The following GLCCI1 variants were observed in gnomAD, a reference collection of about 807,000 sequenced individuals.
GLCCI1 encodes glucocorticoid-induced transcript 1 protein.
GLCCI1 carries 24 observed loss-of-function variants against 52.2 expected under a neutral mutation model. The ratio of observed to expected loss-of-function variants is 0.46; its 90% CI spans 0.33 to 0.65. GLCCI1 has a LOEUF of 0.65. Among genes scored for constraint, GLCCI1 ranks in the 30% least tolerant of loss-of-function variants. GLCCI1 has a pLI of 0.02. For missense variants in GLCCI1, 704 were observed against 701.5 expected (o/e 1.00, Z -0.04); for synonymous variants, 310 against 276.5 (o/e 1.12, Z -1.20).
At chr7:8,072,780 A>G (rs1417117002) in intron 6 of GLCCI1, among the ~76,000 whole-genome samples, 2 of 152,214 alleles carry the variant, frequency 1.3e-5, no homozygotes, top group Admixed American at 1.3e-4. Flanking sequence ...AATGAAAAGT[A>G]GAAATAATGG....
rs1783163320 is a variant in GLCCI1, at chr7:8,088,306, CTTCTT to C, written c.*1770_*1774del. Reference sequence around the variant, plus strand: ...ATTATTTTGTCATGATCTCAATTCTCTTCTTTCCACCAAAGTTTGTCGTAATATTT... The same window carrying C: ...ATTATTTTGTCATGATCTCAATTCTCTCCACCAAAGTTTGTCGTAATATTT... On this transcript the variant is annotated 3_prime_UTR_variant, in exon 8 of 8. Coordinates refer to ENST00000223145, the MANE Select transcript of GLCCI1 (RefSeq NM_138426.4). The C allele has an allele frequency of 3.3e-5, 5 of 150,230 alleles. No individual in the cohort carries two copies. The South Asian group carries it at 1.1e-3, about 32-fold the overall frequency. 9.3% of individuals were successfully genotyped at this position (150,230 alleles called of 1,614,324 possible).
chr7:8,034,585 G>C (rs1234800392), intron 3 of GLCCI1, among the ~76,000 whole-genome samples: 1 of 152,146 alleles, frequency 6.6e-6, no homozygotes. Context: ...AGAAGAGGAT[G>C]GCTGACAAGA....
chr7:7,972,081 G>C lies in GLCCI1; in HGVS notation c.457+2274G>C, dbSNP rs1780365747. ...CCTACTAAACTGTTCTGTTTCCTTA[G>C]CCATTTAAAATCCATGATCTGAACA... On this transcript the variant is annotated intron_variant, in intron 1 of 7. Transcript: ENST00000223145. Among the ~76,000 whole-genome samples the C allele has an allele frequency of 2.0e-5, 3 of 152,068 alleles. No individual in the cohort carries two copies. In the South Asian group the frequency reaches 6.2e-4, roughly 32 times the overall value.
At chr7:8,055,130 GT>G (rs1782355608) in intron 3 of GLCCI1, among the ~76,000 whole-genome samples, 2 of 152,078 alleles carry the variant, frequency 1.3e-5, no homozygotes, top group African/African-American at 4.8e-5. Flanking sequence ...CTTATAAAAG[GT>G]TTTCAAAAAG....
intron 3 of GLCCI1, among the ~76,000 whole-genome samples, chr7:8,024,451 G>T (rs563088833): frequency 1.3e-5 from 2 of 152,152 alleles, no homozygotes; most frequent in Admixed American, 1.3e-4. Flanking sequence ...AAGTGAACTT[G>T]TATTTTTATC....
At chr7:8,053,009 T>G (rs1346635674) in intron 3 of GLCCI1, among the ~76,000 whole-genome samples, 1 of 71,974 alleles carries the variant, frequency 1.4e-5, no homozygotes, top group African/African-American at 4.7e-5. Flanking sequence ...TTTTGTATTA[T>G]TTATTTATTT....
intron 1 of GLCCI1, among the ~76,000 whole-genome samples, chr7:7,990,376 C>G (rs1189886116): frequency 6.6e-6 from 1 of 152,090 alleles, no homozygotes; most frequent in African/African-American, 2.4e-5. Context: ...TCGGTAATAT[C>G]AATTGACTCT....
At chr7:7,975,425 G>A (rs1262255753) in intron 1 of GLCCI1, among the ~76,000 whole-genome samples, 1 of 152,102 alleles carries the variant, frequency 6.6e-6, no homozygotes, top group Non-Finnish European at 1.5e-5. Context: ...ATATTTGTGT[G>A]CTAACTATAT....
chr7:8,085,667 C>T (rs146879459), intron 7 of GLCCI1, among the ~76,000 whole-genome samples: 206 of 151,980 alleles, frequency 1.4e-3, no homozygotes, highest in Non-Finnish European at 2.7e-3. Flanking sequence ...CTCCTGGGAA[C>T]GGGAGGAGAG....
chr7:8,000,391 A>G (rs1267052273), intron 1 of GLCCI1, among the ~76,000 whole-genome samples: 2 of 152,178 alleles, frequency 1.3e-5, no homozygotes, highest in East Asian at 1.9e-4. Context: ...AGAGTTACCT[A>G]TGATGTGGGG....
At chr7:8,063,759 C>T (rs975450921) in intron 5 of GLCCI1, among the ~76,000 whole-genome samples, 1 of 151,080 alleles carries the variant, frequency 6.6e-6, no homozygotes, top group Non-Finnish European at 1.5e-5. Context: ...GCTGGGACTA[C>T]AGTCCTGTCC....
chr7:8,063,814 G>C (rs924445427), intron 5 of GLCCI1, among the ~76,000 whole-genome samples: 1 of 151,242 alleles, frequency 6.6e-6, no homozygotes, highest in Admixed American at 6.6e-5. Flanking sequence ...TACACACAAG[G>C]TCTTGCTAAT....
rs149676946 is a variant in GLCCI1, at chr7:8,060,355, C to T, written c.966+107C>T. Reference sequence around the variant, plus strand: ...TGTTAAGATATAATTCACATACCATCCAGTTTACTCATTTAGTGTACAATT... The same window carrying T: ...TGTTAAGATATAATTCACATACCATTCAGTTTACTCATTTAGTGTACAATT... On this transcript the variant is annotated intron_variant, in intron 5 of 7. Transcript: ENST00000223145. 109 of 809,970 alleles carry T rather than the reference C, an allele frequency of 1.3e-4. No homozygotes were observed. The East Asian group carries it at 2.1e-3, about 16-fold the overall frequency. 50.2% of individuals were successfully genotyped at this position (809,970 alleles called of 1,614,324 possible). A position where few individuals can be genotyped will look rare whatever the true frequency, so the allele number is the denominator to read the frequency against.
intron 1 of GLCCI1, among the ~76,000 whole-genome samples, chr7:7,997,401 G>T (rs1780956549): frequency 6.6e-6 from 1 of 151,986 alleles, no homozygotes; most frequent in South Asian, 2.1e-4. Context: ...ACCAATAGCA[G>T]GAAAATTCCA....
At chr7:8,040,099 A>T (rs1171123001) in intron 3 of GLCCI1, among the ~76,000 whole-genome samples, 1 of 152,164 alleles carries the variant, frequency 6.6e-6, no homozygotes, top group Non-Finnish European at 1.5e-5. Context: ...TAAATAATAA[A>T]AAAGTATTTC....
At chr7:8,073,863 C>T (rs1452895275) in intron 6 of GLCCI1, among the ~76,000 whole-genome samples, 2 of 152,134 alleles carry the variant, frequency 1.3e-5, no homozygotes, top group Non-Finnish European at 2.9e-5. Flanking sequence ...AGCTGAGAGG[C>T]ATTACTTTGT....
At chr7:8,053,359 T>A (rs1782308811) in intron 3 of GLCCI1, among the ~76,000 whole-genome samples, 1 of 148,766 alleles carries the variant, frequency 6.7e-6, no homozygotes, top group South Asian at 2.2e-4. Flanking sequence ...AGTCTCGCAC[T>A]GTCGCCCAGG....
At chr7:8,022,629 T>A in intron 3 of GLCCI1, 60 bp downstream of exon 3, 1 of 1,007,714 alleles carries the variant, frequency 9.9e-7, no homozygotes, top group Non-Finnish European at 1.4e-6. Flanking sequence ...TACCTTAGTA[T>A]TTCCTGAATG....
chr7:8,084,292 A>G (rs1783054310), intron 6 of GLCCI1, among the ~76,000 whole-genome samples: 1 of 152,228 alleles, frequency 6.6e-6, no homozygotes, highest in South Asian at 2.1e-4. Context: ...TAGTAGCAAA[A>G]ATACAAATTC....
Sources: gnomAD v4.1 joint callset for allele counts (sites outside exome capture counted in the v4.1 genomes callset) on GRCh38, gnomAD v4.1.1 for gene constraint, MANE v1.5 for transcripts, NCBI Gene and HGNC (gene_info 2026-07-23, HGNC 2026-07-21) for gene names.